Variants in TJP1 observed in about 807,000 individuals in gnomAD.
TJP1 encodes tight junction protein 1.
In TJP1, 43 loss-of-function variants were observed where a neutral mutation model predicts 194.2. The ratio of observed to expected loss-of-function variants is 0.22; its 90% confidence interval spans 0.17 to 0.29. The LOEUF is 0.29. Among genes scored for constraint, TJP1 ranks in the 10% least tolerant of loss-of-function variants. The pLI, the probability that TJP1 is intolerant of heterozygous loss-of-function variation, is 1.00. For missense variants in TJP1, 1,971 were observed against 2,185.7 expected (o/e 0.90, Z 1.96); for synonymous variants, 801 against 779.0 (o/e 1.03, Z -0.47).
intron 2 of TJP1, among the ~76,000 whole-genome samples, chr15:29,879,676 G>A (rs62014489): frequency 0.085 from 12,839 of 151,860 alleles, 623 homozygotes; most frequent in Non-Finnish European, 0.11. Flanking sequence ...GTGACATCAG[G>A]TGTGTGCACT....
chr15:29,944,218 G>A (rs995715488), intron 2 of TJP1, among the ~76,000 whole-genome samples: 173 of 151,538 alleles, frequency 1.1e-3, no homozygotes, highest in African/African-American at 3.8e-3. Context: ...TCTGCCTCCC[G>A]ACTAGCTGGG....
intron 18 of TJP1, among the ~76,000 whole-genome samples, chr15:29,723,743 T>C (rs149233579): frequency 4.6e-5 from 7 of 152,206 alleles, no homozygotes; most frequent in African/African-American, 1.7e-4. Flanking sequence ...TTTTCTTTTG[T>C]TAAGTAATTA....
chr15:29,723,634 T>G (rs1010906463), intron 18 of TJP1, among the ~76,000 whole-genome samples: 6 of 152,196 alleles, frequency 3.9e-5, no homozygotes, highest in African/African-American at 1.4e-4. Flanking sequence ...CAATGGAAAA[T>G]CATCACCTAC....
intron 8 of TJP1, among the ~76,000 whole-genome samples, chr15:29,748,399 T>C (rs1283996946): frequency 2.6e-5 from 4 of 152,092 alleles, no homozygotes; most frequent in Non-Finnish European, 4.4e-5. Flanking sequence ...AATAAAATAA[T>C]CAACTTTTCC....
intron 2 of TJP1, among the ~76,000 whole-genome samples, chr15:29,951,280 G>C (rs898436810): frequency 1.3e-5 from 2 of 151,686 alleles, no homozygotes; most frequent in African/African-American, 4.8e-5. Flanking sequence ...TGATTCTTCT[G>C]CCTCAGCCTC....
upstream of TJP1, among the ~76,000 whole-genome samples, chr15:29,826,154 A>T (rs559190661): frequency 4.3e-3 from 364 of 84,286 alleles, no homozygotes; most frequent in South Asian, 8.4e-3. Flanking sequence ...TTTTTTTTTT[A>T]AAAAGAAGAC....
intron 25 of TJP1, among the ~76,000 whole-genome samples, chr15:29,706,014 C>G (rs1156455019): frequency 6.6e-6 from 1 of 152,188 alleles, no homozygotes; most frequent in African/African-American, 2.4e-5. Context: ...TCACTGCAAC[C>G]TCCATCTCCC....
chr15:29,842,190 C>T (rs910909683), intron 2 of TJP1, among the ~76,000 whole-genome samples: 7 of 152,076 alleles, frequency 4.6e-5, no homozygotes, highest in African/African-American at 1.7e-4. Flanking sequence ...TTGATATAAA[C>T]AAGAGTTAAG....
intron 2 of TJP1, among the ~76,000 whole-genome samples, chr15:29,844,139 C>T (rs1392591600): frequency 1.3e-5 from 2 of 152,294 alleles, no homozygotes; most frequent in African/African-American, 2.4e-5. Flanking sequence ...CTGCAGTGCG[C>T]GGCTCACTGC....
intron 2 of TJP1, among the ~76,000 whole-genome samples, chr15:29,828,914 T>G (rs775786312): frequency 5.9e-5 from 9 of 151,770 alleles, no homozygotes; most frequent in Non-Finnish European, 1.3e-4. Flanking sequence ...TTTTGTTTGT[T>G]TGTTTGTTTG....
chr15:29,913,403 A>G (rs1202970027), intron 2 of TJP1, among the ~76,000 whole-genome samples: 2 of 152,166 alleles, frequency 1.3e-5, no homozygotes, highest in Admixed American at 6.5e-5. Flanking sequence ...GGGTTTCTTA[A>G]TTGGGGTCTG....
intron 2 of TJP1, among the ~76,000 whole-genome samples, chr15:29,866,375 A>G (rs1190331547): frequency 1.3e-5 from 2 of 152,232 alleles, no homozygotes; most frequent in Admixed American, 6.5e-5. Flanking sequence ...TGGTTGCAAT[A>G]AACAGTGTGT....
At chr15:29,910,045 G>A (rs1719039) in intron 2 of TJP1, among the ~76,000 whole-genome samples, 4,134 of 152,226 alleles carry the variant, frequency 0.027, 168 homozygotes, top group African/African-American at 0.088. Context: ...CACTCTAAAA[G>A]GCAACGTGAT....
chr15:29,767,430 T>A (rs1289902116), intron 4 of TJP1, among the ~76,000 whole-genome samples: 1 of 152,188 alleles, frequency 6.6e-6, no homozygotes, highest in Non-Finnish European at 1.5e-5. Flanking sequence ...TCTTAGTTCA[T>A]CAGTTCCATC....
intron 2 of TJP1, among the ~76,000 whole-genome samples, chr15:29,939,057 G>A (rs567182322): frequency 6.6e-6 from 1 of 152,226 alleles, no homozygotes; most frequent in African/African-American, 2.4e-5. Flanking sequence ...CCCAGGCTCA[G>A]TGTCTTGGAC....
chr15:29,936,256 TA>T (rs918182553), intron 2 of TJP1, among the ~76,000 whole-genome samples: 4 of 151,682 alleles, frequency 2.6e-5, no homozygotes, highest in Admixed American at 6.6e-5. Context: ...CTCTCCCACT[TA>T]AAAAAAATGG....
chr15:29,962,813 T>G (rs1047522237), intron 1 of TJP1, among the ~76,000 whole-genome samples: 4 of 152,088 alleles, frequency 2.6e-5, no homozygotes, highest in Non-Finnish European at 5.9e-5. Context: ...TTAGAAAAAA[T>G]AATGTGCACA....
At chr15:29,704,031 G>T in intron 27 of TJP1, 131 bp downstream of exon 27, 2 of 873,490 alleles carry the variant, frequency 2.3e-6, no homozygotes, top group Middle Eastern at 3.7e-4. Context: ...TGAAAACACT[G>T]GTGATGCCTA....
chr15:29,968,435 G>A (rs1434504889), intron 1 of TJP1: 3 of 981,628 alleles, frequency 3.1e-6, no homozygotes, highest in Non-Finnish European at 3.6e-6. Flanking sequence ...CGGGCACAGC[G>A]AGGGTCTCGG....
Sources: allele counts gnomAD v4.1 joint callset (sites outside exome capture counted in the v4.1 genomes callset), GRCh38; gene constraint gnomAD v4.1.1; transcripts MANE v1.5; gene names NCBI Gene and HGNC (gene_info 2026-07-23, HGNC 2026-07-21).